ANP32A: variants seen among roughly 807,000 people sequenced by gnomAD.
ANP32A encodes acidic nuclear phosphoprotein 32 family member A, also known as acidic leucine-rich nuclear phosphoprotein 32 family member A.
In ANP32A, 1 loss-of-function variant was observed where a neutral mutation model predicts 33.9. That is an observed-to-expected ratio of 0.03 (90% CI 0.01 to 0.14). The LOEUF is 0.14. ANP32A is among the 10% of genes least tolerant of loss of function. ANP32A has a pLI of 1.00. For missense variants in ANP32A, 155 were observed against 306.0 expected, an observed-to-expected ratio of 0.51 and a Z score of 3.68; for synonymous variants, 115 against 120.5, an observed-to-expected ratio of 0.95 and a Z score of 0.30.
At chr15:68,781,102 C>T (rs1216889611) in intron 5 of ANP32A, 2 of 152,234 alleles carry the variant, frequency 1.3e-5, no homozygotes, top group South Asian at 2.1e-4. Flanking sequence ...ACACAGGGCC[C>T]TTGCTTTCCT....
At chr15:68,819,309 A>G (rs896692903) in intron 1 of ANP32A, among the ~76,000 whole-genome samples, 8 of 152,098 alleles carry the variant, frequency 5.3e-5, no homozygotes, top group African/African-American at 1.4e-4. Context: ...AGAGCCGCCA[A>G]CTCGCCGAAA....
At chr15:68,797,087 C>CA (rs1237615402) in intron 1 of ANP32A, among the ~76,000 whole-genome samples, 1 of 152,068 alleles carries the variant, frequency 6.6e-6, no homozygotes, top group Non-Finnish European at 1.5e-5. Flanking sequence ...TCAGCACCCC[C>CA]AAAATAAGTA....
intron 2 of ANP32A, 46 bp downstream of exon 2, chr15:68,787,724 C>T (rs921362235): frequency 6.2e-7 from 1 of 1,609,324 alleles, no homozygotes; most frequent in South Asian, 1.1e-5. Context: ...ACCCTTCCCA[C>T]TCCCCACCCC....
At chr15:68,794,108 G>C (rs1184597632) in intron 1 of ANP32A, among the ~76,000 whole-genome samples, 3 of 152,160 alleles carry the variant, frequency 2.0e-5, no homozygotes, top group African/African-American at 7.2e-5. Context: ...ATCACCTAGG[G>C]TTGGATTAAA....
chr15:68,787,991 T>A (rs1893954197), intron 1 of ANP32A, 72 bp from the exon 2 acceptor site: 1 of 1,579,482 alleles, frequency 6.3e-7, no homozygotes, highest in African/African-American at 1.4e-5. Context: ...GTTAGAGGAC[T>A]CCTCAGAGAA....
chr15:68,779,281 TAAA>T lies in ANP32A; in HGVS notation c.*797_*799del, dbSNP rs1893833754. 2 of 152,176 alleles carry T rather than the reference TAAA, an allele frequency of 1.3e-5. No individual in the cohort carries two copies. Among genetic ancestry groups the T allele is most frequent in the African/African-American group, 4.8e-5 (2 of 41,440 alleles). 9.4% of individuals were successfully genotyped at this position (152,176 alleles called of 1,614,324 possible). A position where few individuals can be genotyped will look rare whatever the true frequency, so the allele number is the denominator to read the frequency against. ...GGAAGAATTCTCTCATCATTTTTTG[TAAA>T]ACAAAGCGTTCTAATATTTTACAGA... On this transcript the variant is annotated 3_prime_UTR_variant, in exon 7 of 7. Transcript: ENST00000465139.
At chr15:68,817,789 G>A (rs1037941362) in intron 1 of ANP32A, 1 of 152,214 alleles carries the variant, frequency 6.6e-6, no homozygotes, top group Admixed American at 6.5e-5. Flanking sequence ...CCCCCATCGG[G>A]GCTCATAGCA....
intron 1 of ANP32A, among the ~76,000 whole-genome samples, chr15:68,811,724 G>A (rs917602670): frequency 6.6e-6 from 1 of 152,150 alleles, no homozygotes; most frequent in East Asian, 1.9e-4. Context: ...TATGTAATGT[G>A]TCTGCGGATA....
chr15:68,783,173 TA>T, intron 4 of ANP32A, 120 bp from the exon 5 acceptor site: 1 of 1,450,428 alleles, frequency 6.9e-7, no homozygotes, highest in Middle Eastern at 1.8e-4. Flanking sequence ...CACACCCACC[TA>T]AGTCCAAAGA....
At chr15:68,792,405 G>A (rs1297259943) in intron 1 of ANP32A, among the ~76,000 whole-genome samples, 5 of 152,172 alleles carry the variant, frequency 3.3e-5, no homozygotes, top group Non-Finnish European at 7.3e-5. Context: ...ATTCATAAGA[G>A]AGGTCAGTGA....
rs148340252 is a variant in ANP32A, at chr15:68,809,992, TG to T, written c.54+10705del. Among the ~76,000 whole-genome samples, 1,114 of 152,320 alleles carry T rather than the reference TG, an allele frequency of 7.3e-3. 13 individuals are homozygous for T. The highest frequency in any genetic ancestry group is 0.026 in the African/African-American group (1,060 of 41,568). On this transcript the variant is annotated intron_variant, in intron 1 of 6. Coordinates refer to ENST00000465139, the MANE Select transcript of ANP32A (RefSeq NM_006305.4). Reference sequence around the variant, plus strand: ...CTGAAGCACTCTGAGGGAAAAGTTCTGTAAGAGTTTTCTGGCAAAAGAACTA... The same window carrying T: ...CTGAAGCACTCTGAGGGAAAAGTTCTTAAGAGTTTTCTGGCAAAAGAACTA...
intron 1 of ANP32A, among the ~76,000 whole-genome samples, chr15:68,801,216 G>T (rs1233679592): frequency 1.1e-5 from 1 of 88,142 alleles, no homozygotes; most frequent in Non-Finnish European, 2.4e-5. Context: ...GGAAGAAGAA[G>T]AAGAAAAAAA....
intron 1 of ANP32A, among the ~76,000 whole-genome samples, chr15:68,812,795 G>A (rs973224958): frequency 1.8e-4 from 28 of 152,156 alleles, no homozygotes; most frequent in African/African-American, 6.5e-4. Flanking sequence ...ACAGGAATGC[G>A]TGTACATACC....
rs759137933 is a variant in ANP32A, at chr15:68,787,380, C to G, written c.327+33G>C. On this transcript the variant is annotated intron_variant, in intron 3 of 6. Transcript: ENST00000465139. The stretch of plus-strand genomic sequence containing the variant: ...GATGCCAATTCCTCCCACCTCCTAC[C>G]CCTGCAGGGAGGGGAGGGTCCGAAT... 217 of 1,614,002 alleles carry G rather than the reference C, an allele frequency of 1.3e-4. 3 individuals carry two copies. In the Middle Eastern group the frequency reaches 4.8e-3, roughly 36 times the overall value.
intron 1 of ANP32A, among the ~76,000 whole-genome samples, chr15:68,800,743 CAAA>C (rs398070692): frequency 1.2e-5 from 1 of 83,640 alleles, no homozygotes; most frequent in African/African-American, 4.6e-5. Context: ...GACTCCGTCT[CAAA>C]AAAAAAAAAA....
At chr15:68,818,274 C>T (rs1387732291) in intron 1 of ANP32A, 2 of 273,920 alleles carry the variant, frequency 7.3e-6, no homozygotes, top group East Asian at 3.3e-4. Context: ...GGCGTCGCGG[C>T]ATGGCCACCA....
intron 1 of ANP32A, among the ~76,000 whole-genome samples, chr15:68,813,326 G>C (rs1490690256): frequency 2.6e-5 from 4 of 152,176 alleles, no homozygotes; most frequent in Admixed American, 2.0e-4. Flanking sequence ...AGACAAGGAG[G>C]CTGCTTCCAT....
chr15:68,789,122 G>C (rs887234505), intron 1 of ANP32A: 1 of 152,356 alleles, frequency 6.6e-6, no homozygotes, highest in South Asian at 2.1e-4. Flanking sequence ...TGGGAAACCC[G>C]GCCTCTCTGG....
At chr15:68,788,068 C>T in intron 1 of ANP32A, 149 bp from the exon 2 acceptor site, 1 of 1,026,772 alleles carries the variant, frequency 9.7e-7, no homozygotes. Flanking sequence ...GATCACTGTG[C>T]TGCCAACGAC....
Sources: allele counts gnomAD v4.1 joint callset (sites outside exome capture counted in the v4.1 genomes callset), GRCh38; gene constraint gnomAD v4.1.1; transcripts MANE v1.5; gene names NCBI Gene and HGNC (gene_info 2026-07-23, HGNC 2026-07-21).